The following WNT9A variants were observed in gnomAD, a reference collection of about 807,000 sequenced individuals.
WNT9A encodes the protein Wnt family member 9A.
A neutral mutation model predicts 31.4 loss-of-function variants in WNT9A; 8 were observed. The observed-to-expected ratio is 0.26, with a 90% CI of 0.15 to 0.46. The LOEUF (loss-of-function observed/expected upper bound fraction) is 0.46, where lower values mean the gene tolerates loss of function less well. WNT9A is among the 20% of genes least tolerant of loss of function. WNT9A has a pLI of 0.99. For missense variants in WNT9A, 457 were observed against 522.9 expected, an observed-to-expected ratio of 0.87 and a Z score of 1.23; for synonymous variants, 236 against 220.1, an observed-to-expected ratio of 1.07 and a Z score of -0.64.
intron 1 of WNT9A, among the ~76,000 whole-genome samples, chr1:227,934,564 C>T (rs557349686): frequency 6.6e-6 from 1 of 152,314 alleles, no homozygotes; most frequent in South Asian, 2.1e-4. Flanking sequence ...CATGTCTACT[C>T]TTATGTAATT....
At chr1:227,943,713 C>T (rs191338376) in intron 1 of WNT9A, among the ~76,000 whole-genome samples, 5 of 152,336 alleles carry the variant, frequency 3.3e-5, no homozygotes, top group East Asian at 3.9e-4. Flanking sequence ...CAAGGGCTCA[C>T]GCCTGTAACC....
chr1:227,933,691 C>T (rs1666546170), intron 1 of WNT9A, among the ~76,000 whole-genome samples: 1 of 152,188 alleles, frequency 6.6e-6, no homozygotes, highest in African/African-American at 2.4e-5. Flanking sequence ...TCAGGACGTG[C>T]TTGTGACAGG....
At chr1:227,938,721 G>A (rs1050259671) in intron 1 of WNT9A, among the ~76,000 whole-genome samples, 26 of 152,242 alleles carry the variant, frequency 1.7e-4, no homozygotes, top group African/African-American at 6.0e-4. Flanking sequence ...CGCTTTAGTT[G>A]TTTCAAGCAG....
At chr1:227,938,574 C>T (rs146205600) in intron 1 of WNT9A, among the ~76,000 whole-genome samples, 12 of 152,144 alleles carry the variant, frequency 7.9e-5, no homozygotes, top group East Asian at 7.7e-4. Context: ...TGCACGCATA[C>T]GCACGTGCAG....
At position 227,919,163 on chromosome 1, in the gene WNT9A, G is replaced by C. The variant is rs1182427613; in HGVS notation, c.*2355C>G. On this transcript the variant is annotated 3_prime_UTR_variant, in exon 4 of 4. Transcript: ENST00000272164. ...AAAAATAAAAACCTTCCTCTGACTT[G>C]ACGCCCTTCATAGACCCAATAGTGA... 1 of 152,232 alleles carries C rather than the reference G, an allele frequency of 6.6e-6. No homozygotes were observed. Among genetic ancestry groups the C allele is most frequent in the Admixed American group, 6.5e-5 (1 of 15,288 alleles). 9.4% of individuals were successfully genotyped at this position (152,232 alleles called of 1,614,324 possible). A position where few individuals can be genotyped will look rare whatever the true frequency, so the allele number is the denominator to read the frequency against.
chr1:227,942,267 C>T lies in WNT9A; in HGVS notation c.95+5526G>A, dbSNP rs577735104. Among the ~76,000 whole-genome samples the T allele has an allele frequency of 1.3e-5, 2 of 152,294 alleles. No homozygotes were observed. The highest frequency in any genetic ancestry group is 3.9e-4 in the East Asian group (2 of 5,176). ...GCACTGCTGCTCCGTCCTTACCACA[C>T]ACCCTCCACACCCTCCAGGGAGCCA... On this transcript the variant is annotated intron_variant, in intron 1 of 3. Coordinates refer to ENST00000272164, the MANE Select transcript of WNT9A (RefSeq NM_003395.4). This position sits in a 1 kb window ranked among gnomAD's most constrained non-coding sequence, Gnocchi z 5.7.
chr1:227,933,586 C>A (rs1241666198), intron 1 of WNT9A, among the ~76,000 whole-genome samples: 1 of 152,204 alleles, frequency 6.6e-6, no homozygotes, highest in African/African-American at 2.4e-5. Context: ...CTTAATCATT[C>A]TTCACTTTAA....
chr1:227,922,080 C>A, intron 3 of WNT9A, 80 bp from the exon 4 acceptor site: 2 of 1,512,856 alleles, frequency 1.3e-6, no homozygotes, highest in South Asian at 1.3e-5. Flanking sequence ...CCTGGACCCC[C>A]AGAGGGACCC....
At chr1:227,947,650 GCAAA>G (rs1172144461) in intron 1 of WNT9A, 139 bp downstream of exon 1, 25 of 313,980 alleles carry the variant, frequency 8.0e-5, no homozygotes, top group East Asian at 2.9e-4. Flanking sequence ...CGCGCGCGCC[GCAAA>G]CAAACAGCGC....
In WNT9A at chr1:227,925,149, G is replaced by T; in HGVS notation, c.352+114C>A. On this transcript the variant is annotated intron_variant, in intron 2 of 3. Coordinates refer to ENST00000272164, the MANE Select transcript of WNT9A (RefSeq NM_003395.4). The surrounding 1 kb of genome is among the most constrained non-coding windows in gnomAD (Gnocchi z 6.0). ...GCCTAGGCCCAGGAGCTCTGGGCAG[G>T]CTGGGCCCGGCGTCCCCAGGAGCGC... 7.1e-7 allele frequency: 1 copy of T among 1,399,424 alleles called. No homozygotes were observed. The highest frequency in any genetic ancestry group is 9.3e-7 in the Non-Finnish European group (1 of 1,072,696). 86.7% of individuals were successfully genotyped at this position (1,399,424 alleles called of 1,614,324 possible).
At position 227,942,928 on chromosome 1, in the gene WNT9A, C is replaced by T. The variant is rs1468153982; in HGVS notation, c.95+4865G>A. 2.0e-5 allele frequency among the ~76,000 whole-genome samples: 3 copies of T among 152,194 alleles called. No homozygotes were observed. Among genetic ancestry groups the T allele is most frequent in the South Asian group, 4.1e-4 (2 of 4,836 alleles). On this transcript the variant is annotated intron_variant, in intron 1 of 3. Coordinates refer to ENST00000272164, the MANE Select transcript of WNT9A (RefSeq NM_003395.4). The surrounding 1 kb of genome is among the most constrained non-coding windows in gnomAD (Gnocchi z 5.7). ...CAGGCTTCTCTTGCCCAGCACACAG[C>T]CCCATGATTCCACACCTCAGGCCCA...
intron 1 of WNT9A, among the ~76,000 whole-genome samples, chr1:227,936,009 T>A (rs1666589543): frequency 6.6e-6 from 1 of 152,142 alleles, no homozygotes; most frequent in Admixed American, 6.6e-5. Context: ...CAGCACTACC[T>A]CCATGGCACC....
intron 1 of WNT9A, among the ~76,000 whole-genome samples, chr1:227,945,437 C>T (rs918680898): frequency 6.6e-6 from 1 of 152,186 alleles, no homozygotes; most frequent in African/African-American, 2.4e-5. Flanking sequence ...TCTAGGAGGG[C>T]AGCGGGCGCC....
At chr1:227,943,425 C>T (rs956941778) in intron 1 of WNT9A, among the ~76,000 whole-genome samples, 1 of 152,232 alleles carries the variant, frequency 6.6e-6, no homozygotes, top group African/African-American at 2.4e-5. Context: ...CCACTAAAAA[C>T]AGGCAAAGGA....
At position 227,924,172 on chromosome 1, in the gene WNT9A, C is replaced by A. The variant is rs141032970; in HGVS notation, c.581G>T (p.Arg194Leu). The A allele has an allele frequency of 3.1e-6, 5 of 1,605,026 alleles. No homozygotes were observed. In the Admixed American group the frequency reaches 5.0e-5, roughly 16 times the overall value. ...CACGAGGTTGTTGTGGAAGTCCACA[C>A]GGGCTCGCAGATCCTTGCTTGACCG... ...GRRSSKDLRARVDFHNNLVGV... is the reference protein window; with the variant it reads ...GRRSSKDLRALVDFHNNLVGV... Residue 194 changes from arginine to leucine, a missense_variant, in exon 3 of 4, where the codon CGT (arginine) becomes CTT (leucine). Arg to Leu is a moderately radical substitution (Grantham distance 102). Transcript: ENST00000272164.
Position 227,925,407 on chromosome 1 carries a change from G to A in WNT9A, c.208C>T (p.Arg70Cys), listed in dbSNP as rs763194335. 6 of 1,607,828 alleles carry A rather than the reference G, an allele frequency of 3.7e-6. No homozygotes were observed. Among genetic ancestry groups the A allele is most frequent in the Admixed American group, 3.3e-5 (2 of 59,820 alleles). Residue 70 changes from arginine to cysteine, a missense_variant, in exon 2 of 4, where the codon CGC (arginine) becomes TGC (cysteine). By Grantham distance (180) the Arg-to-Cys change is radical. Transcript: ENST00000272164. This position sits in a 1 kb window ranked among gnomAD's most constrained non-coding sequence, Gnocchi z 6.0. ...DRLKLERKQRRMCRRDPGVAE... is the reference protein window; with the variant it reads ...DRLKLERKQRCMCRRDPGVAE... ...ACGCCCGGGTCCCGGCGGCACATGC[G>A]CCGCTGCTTCCGCTCCAGCTTCAGC...
At chr1:227,939,260 G>A (rs187407501) in intron 1 of WNT9A, among the ~76,000 whole-genome samples, 171 of 152,326 alleles carry the variant, frequency 1.1e-3, no homozygotes, top group Admixed American at 1.8e-3. Context: ...GCGGTGACCC[G>A]GTCGCCTCCT....
At chr1:227,935,000 T>C (rs1273800603) in intron 1 of WNT9A, among the ~76,000 whole-genome samples, 1 of 149,840 alleles carries the variant, frequency 6.7e-6, no homozygotes, top group Non-Finnish European at 1.5e-5. Flanking sequence ...ACAGCCCCAG[T>C]TCACTATACA....
At position 227,920,236 on chromosome 1, in the gene WNT9A, C is replaced by CCAG. The variant is rs1666287782; in HGVS notation, c.*1281_*1282insCTG. The CCAG allele has an allele frequency of 6.6e-6, 1 of 152,250 alleles. No individual in the cohort carries two copies. Among genetic ancestry groups the CCAG allele is most frequent in the South Asian group, 2.1e-4 (1 of 4,832 alleles). 9.4% of individuals were successfully genotyped at this position (152,250 alleles called of 1,614,324 possible). A position where few individuals can be genotyped will look rare whatever the true frequency, so the allele number is the denominator to read the frequency against. ...GGCTGGGGGAGCTGGCTTCCAGAAG[C>CCAG]CCCAAGGGCTGTGGCCAGACGCAGC... On this transcript the variant is annotated 3_prime_UTR_variant, in exon 4 of 4. Transcript: ENST00000272164.
Sources: allele counts gnomAD v4.1 joint callset (sites outside exome capture counted in the v4.1 genomes callset), GRCh38; gene constraint gnomAD v4.1.1; non-coding constraint Gnocchi (gnomAD v3.1); transcripts MANE v1.5; gene names NCBI Gene and HGNC (gene_info 2026-07-23, HGNC 2026-07-21).